The following UGT1A10 variants were observed in gnomAD, a reference collection of about 807,000 sequenced individuals.
UGT1A10 encodes the protein UDP-glucuronosyltransferase 1A10.
Under a neutral mutation model 45.8 loss-of-function variants are expected in UGT1A10, and 49 were observed. The ratio of observed to expected loss-of-function variants is 1.07; its 90% CI spans 0.85 to 1.36. The LOEUF (loss-of-function observed/expected upper bound fraction) is 1.36, where lower values mean the gene tolerates loss of function less well. Ranked by LOEUF, UGT1A10 falls within the 40% of genes most tolerant of loss-of-function variation. The probability of loss-of-function intolerance (pLI) is 0.00; values close to 1 mark genes in which losing one functional copy is unlikely to be tolerated. For missense variants in UGT1A10, 745 were observed against 668.6 expected (o/e 1.11, Z -1.26); for synonymous variants, 284 against 249.7 (o/e 1.14, Z -1.29).
At chr2:233,743,069 T>G in intron 1 of UGT1A10, 1 of 339,242 alleles carries the variant, frequency 2.9e-6, no homozygotes, top group Non-Finnish European at 5.8e-6. Context: ...AGAACAGGTG[T>G]TGGCATGAAG....
intron 1 of UGT1A10, among the ~76,000 whole-genome samples, chr2:233,722,767 A>G (rs2077035171): frequency 6.6e-6 from 1 of 151,610 alleles, no homozygotes; most frequent in Non-Finnish European, 1.5e-5. Flanking sequence ...CTGTTACCTA[A>G]TTCTGATATT....
At position 233,721,338 on chromosome 2, in the gene UGT1A10, A is replaced by C. The variant is rs569629539; in HGVS notation, c.856-45696A>C. On this transcript the variant is annotated intron_variant, in intron 1 of 4. Transcript: ENST00000344644. Reference sequence around the variant, plus strand: ...TCTTTTCTTGTGGTTTTTCACTATGAATATATTCTTTAGACTGAACTGCAC... The same window carrying C: ...TCTTTTCTTGTGGTTTTTCACTATGCATATATTCTTTAGACTGAACTGCAC... Among the ~76,000 whole-genome samples, 10 of 152,226 alleles carry C rather than the reference A, an allele frequency of 6.6e-5. No homozygotes were observed. The South Asian group carries it at 1.9e-3, about 28-fold the overall frequency.
intron 1 of UGT1A10, among the ~76,000 whole-genome samples, chr2:233,735,310 TA>T (rs978223857): frequency 8.5e-5 from 13 of 152,318 alleles, no homozygotes; most frequent in African/African-American, 2.2e-4. Flanking sequence ...AAGTCTGTTT[TA>T]TCAGAGACTA....
intron 1 of UGT1A10, among the ~76,000 whole-genome samples, chr2:233,677,140 C>T (rs796223393): frequency 2.0e-5 from 3 of 152,232 alleles, no homozygotes; most frequent in African/African-American, 7.2e-5. Context: ...TGGGGAGAAA[C>T]AACATCTTAG....
chr2:233,672,031 A>G (rs2074207726), intron 1 of UGT1A10: 3 of 1,614,030 alleles, frequency 1.9e-6, no homozygotes, highest in African/African-American at 1.3e-5. Context: ...GGTAGTGCCC[A>G]TGGATGGGAG....
chr2:233,703,726 C>CT (rs958884874), intron 1 of UGT1A10, among the ~76,000 whole-genome samples: 15 of 151,578 alleles, frequency 9.9e-5, no homozygotes, highest in African/African-American at 2.2e-4. Context: ...TAAATATAAA[C>CT]TTTTTTTTGT....
In UGT1A10 at chr2:233,729,768, G is replaced by C. The variant is rs559236569; in HGVS notation, c.856-37266G>C. Reference sequence around the variant, plus strand: ...CATTCATGCAAAGGGTCAAGAACATGCTCTACCCTCTGGCCCTGTCCTACA... The same window carrying C: ...CATTCATGCAAAGGGTCAAGAACATCCTCTACCCTCTGGCCCTGTCCTACA... On this transcript the variant is annotated intron_variant, in intron 1 of 4. Coordinates refer to ENST00000344644, the MANE Select transcript of UGT1A10 (RefSeq NM_019075.4). The C allele has an allele frequency of 1.9e-6, 3 of 1,613,956 alleles. No individual in the cohort carries two copies. The highest frequency in any genetic ancestry group is 3.3e-5 in the Admixed American group (2 of 60,020).
chr2:233,695,209 T>C (rs1676135359), intron 1 of UGT1A10, among the ~76,000 whole-genome samples: 1 of 148,008 alleles, frequency 6.8e-6, no homozygotes, highest in South Asian at 2.2e-4. Flanking sequence ...CACTGCAACC[T>C]CCACCTCCTG....
chr2:233,757,353 G>C (rs373045458), intron 1 of UGT1A10, among the ~76,000 whole-genome samples: 1 of 151,254 alleles, frequency 6.6e-6, no homozygotes, highest in African/African-American at 2.4e-5. Flanking sequence ...GGGTCTGAGA[G>C]ACAGTGGTAG....
chr2:233,765,361 G>A (rs1166048656), intron 1 of UGT1A10, among the ~76,000 whole-genome samples: 1 of 152,180 alleles, frequency 6.6e-6, no homozygotes, highest in Non-Finnish European at 1.5e-5. Context: ...CAACCCAGAT[G>A]CCCATCAATG....
At chr2:233,676,623 G>A (rs761489651) in intron 1 of UGT1A10, among the ~76,000 whole-genome samples, 5 of 152,126 alleles carry the variant, frequency 3.3e-5, no homozygotes, top group Non-Finnish European at 5.9e-5. Flanking sequence ...AGCCTGTGAC[G>A]GTTTCTCAGA....
intron 1 of UGT1A10, among the ~76,000 whole-genome samples, chr2:233,680,256 G>T (rs1055493674): frequency 6.6e-6 from 1 of 152,062 alleles, no homozygotes; most frequent in Admixed American, 6.6e-5. Flanking sequence ...CACTAAACAT[G>T]ATGAAAAATA....
At chr2:233,675,260 A>T (rs1390223484) in intron 1 of UGT1A10, among the ~76,000 whole-genome samples, 1 of 152,198 alleles carries the variant, frequency 6.6e-6, no homozygotes. Flanking sequence ...CTTCTAAACT[A>T]TATCATTCCG....
chr2:233,749,994 T>C (rs551997072), intron 1 of UGT1A10, among the ~76,000 whole-genome samples: 1 of 151,898 alleles, frequency 6.6e-6, no homozygotes, highest in South Asian at 2.1e-4. Context: ...GACTAATATA[T>C]TAAATTGGTG....
intron 1 of UGT1A10, chr2:233,760,695 C>T: frequency 1.9e-6 from 3 of 1,614,208 alleles, no homozygotes; most frequent in Non-Finnish European, 2.5e-6. Context: ...ACAAGGAGCT[C>T]ATGGCCTCCC....
chr2:233,719,362 A>G (rs780815803), intron 1 of UGT1A10: 39 of 1,613,708 alleles, frequency 2.4e-5, no homozygotes, highest in Non-Finnish European at 3.1e-5. Context: ...TGTGACTTAG[A>G]CTTTAAGGGC....
intron 1 of UGT1A10, among the ~76,000 whole-genome samples, chr2:233,706,103 A>C (rs564369770): frequency 1.5e-4 from 23 of 152,178 alleles, no homozygotes; most frequent in South Asian, 4.2e-4. Context: ...TTAAAAAAAA[A>C]CCAAGAATTT....
rs187532847 is a variant in UGT1A10, at chr2:233,687,638, C to A, written c.855+50261C>A. On this transcript the variant is annotated intron_variant, in intron 1 of 4. Transcript: ENST00000344644. ...GAAAAAAAGGCTGAGTGTGGTGGCT[C>A]ACACATGTAATCACAGCACTTTAGG... Among the ~76,000 whole-genome samples, 42 of 150,198 alleles carry A rather than the reference C, an allele frequency of 2.8e-4. 1 individual carries two copies. The highest frequency in any genetic ancestry group is 2.7e-4 in the Admixed American group (4 of 15,044).
chr2:233,691,333 C>G (rs1465686537), intron 1 of UGT1A10: 6 of 985,436 alleles, frequency 6.1e-6, no homozygotes, highest in Non-Finnish European at 7.2e-6. Flanking sequence ...TTGGACTGAG[C>G]TGAGTCTTCG....
Sources: allele counts gnomAD v4.1 joint callset (sites outside exome capture counted in the v4.1 genomes callset), GRCh38; gene constraint gnomAD v4.1.1; transcripts MANE v1.5; gene names NCBI Gene and HGNC (gene_info 2026-07-23, HGNC 2026-07-21).